Variants in RAI1 observed in about 807,000 individuals in gnomAD.
The protein encoded by RAI1 is retinoic acid-induced protein 1.
In RAI1, 9 loss-of-function variants were observed where a neutral mutation model predicts 123.8. The ratio of observed to expected loss-of-function variants is 0.07; its 90% CI spans 0.04 to 0.13. RAI1 has a LOEUF of 0.13. Among genes scored for constraint, RAI1 ranks in the 10% least tolerant of loss-of-function variants. The pLI is 1.00. For missense variants in RAI1, 2,256 were observed against 2,545.8 expected (o/e 0.89, Z 2.45); for synonymous variants, 1,231 against 1,127.3 (o/e 1.09, Z -1.84).
chr17:17,797,945 T>G lies in RAI1; in HGVS notation c.4997T>G (p.Leu1666Arg), dbSNP rs139721597. Residue 1666 changes from leucine to arginine, a missense_variant, in exon 3 of 6, where the codon CTC (leucine) becomes CGC (arginine). This residue lies in a region of RAI1 where 410 missense variants were observed against 374.6 expected (regional missense o/e 1.09). Transcript: ENST00000353383. Reference protein sequence around the residue: ...SILQPRPSLPLSSTMHLGPVV... With the variant: ...SILQPRPSLPRSSTMHLGPVV... ...CTGCAGCCGCGGCCCTCCTTGCCCCTCTCCTCCACGATGCACTTGGGGCCT... is the reference window on the plus strand; with the variant it reads ...CTGCAGCCGCGGCCCTCCTTGCCCCGCTCCTCCACGATGCACTTGGGGCCT... The G allele has an allele frequency of 1.9e-6, 3 of 1,613,744 alleles. No homozygotes were observed. In the African/African-American group the frequency reaches 4.0e-5, roughly 22 times the overall value.
intron 2 of RAI1, among the ~76,000 whole-genome samples, chr17:17,750,902 G>C (rs543702602): frequency 5.8e-4 from 88 of 152,268 alleles, no homozygotes; most frequent in Non-Finnish European, 7.9e-4. Flanking sequence ...GTGGGGAGGT[G>C]GTTGAGTACA....
In RAI1 at chr17:17,809,154, G is replaced by C. The variant is rs1390827622; in HGVS notation, c.5660-236G>C. On this transcript the variant is annotated intron_variant, in intron 4 of 5. Coordinates refer to ENST00000353383, the MANE Select transcript of RAI1 (RefSeq NM_030665.4). This position sits in a 1 kb window ranked among gnomAD's most constrained non-coding sequence, Gnocchi z 4.9. ...CGGCACGTGGAACTCAGGGGGAAAA[G>C]CTCTCCGCGGAGGAGGTGAGGTGAG... 1.7e-6 allele frequency: 1 copy of C among 604,764 alleles called. No homozygotes were observed. The highest frequency in any genetic ancestry group is 1.8e-5 in the South Asian group (1 of 54,704). The allele number at this position is 604,764 out of a possible 1,614,324, so 37.5% of individuals were successfully genotyped here. A position where few individuals can be genotyped will look rare whatever the true frequency, so the allele number is the denominator to read the frequency against.
chr17:17,788,204 C>G (rs9905548), intron 2 of RAI1, among the ~76,000 whole-genome samples: 2,055 of 152,166 alleles, frequency 0.014, 49 homozygotes, highest in African/African-American at 0.047. Flanking sequence ...GAGGGGCTGC[C>G]TGGTCCTCTG....
intron 2 of RAI1, among the ~76,000 whole-genome samples, chr17:17,731,559 G>A (rs1346042690): frequency 6.6e-6 from 1 of 152,176 alleles, no homozygotes; most frequent in African/African-American, 2.4e-5. Flanking sequence ...GAGCACCGCT[G>A]GAGCAAAGTC....
At chr17:17,805,539 C>T (rs1262793815) in intron 4 of RAI1, among the ~76,000 whole-genome samples, 1 of 152,232 alleles carries the variant, frequency 6.6e-6, no homozygotes. Context: ...CCCGTCCTCA[C>T]CTGATGCCCT....
chr17:17,771,432 A>G (rs1288667265), intron 2 of RAI1, among the ~76,000 whole-genome samples: 4 of 152,212 alleles, frequency 2.6e-5, no homozygotes, highest in Non-Finnish European at 5.9e-5. Context: ...TTGGGAGACA[A>G]AATCCTTTAG....
rs1567932569 is a variant in RAI1 at position 17,800,192 on chromosome 17, C to CTCTCTG, written c.5565+1684_5565+1685insGTCTCT. On this transcript the variant is annotated intron_variant, in intron 3 of 5. Transcript: ENST00000353383. This position sits in a 1 kb window ranked among gnomAD's most constrained non-coding sequence, Gnocchi z 4.7. Reference sequence around the variant, plus strand: ...TCTGTCTCTCTCTGTCTCTCTCTCTCTCTCTCTCTCTCTCTCTCTCTCTCT... The same window carrying CTCTCTG: ...TCTGTCTCTCTCTGTCTCTCTCTCTCTCTCTGTCTCTCTCTCTCTCTCTCTCTCTCT... 5.9e-4 allele frequency among the ~76,000 whole-genome samples: 76 copies of CTCTCTG among 127,892 alleles called. No individual in the cohort carries two copies. The highest frequency in any genetic ancestry group is 9.7e-4 in the Non-Finnish European group (57 of 58,786). The allele number at this position is 127,892 out of a possible 152,430, so 83.9% of individuals were successfully genotyped here.
chr17:17,783,840 C>T (rs1332183965), intron 2 of RAI1, among the ~76,000 whole-genome samples: 2 of 152,136 alleles, frequency 1.3e-5, no homozygotes, highest in Non-Finnish European at 2.9e-5. Flanking sequence ...GAGCCGGCCC[C>T]GCTTCGTTTC....
rs754797150 is a variant in RAI1, at chr17:17,796,447, C to T, written c.3499C>T (p.Arg1167Trp). The part of the protein sequence containing the change: ...HSKRRRPSEG[R>W]LPNCRATKKL... The stretch of plus-strand genomic sequence containing the variant: ...CAAGCGGCGGAGGCCCTCTGAGGGC[C>T]GGCTCCCCAACTGCCGTGCCACCAA... The change falls in exon 3 of 6, where the codon CGG (arginine) becomes TGG (tryptophan). Residue 1167 changes from arginine to tryptophan, a missense_variant. Arg to Trp is a moderately radical substitution (Grantham distance 101). This residue lies in a region of RAI1 where 322 missense variants were observed against 358.0 expected (regional missense o/e 0.90). Coordinates refer to ENST00000353383, the MANE Select transcript of RAI1 (RefSeq NM_030665.4). This position sits in a 1 kb window ranked among gnomAD's most constrained non-coding sequence, Gnocchi z 5.8. 1.2e-5 allele frequency: 20 copies of T among 1,613,024 alleles called. No homozygotes were observed. The highest frequency in any genetic ancestry group is 1.7e-5 in the Admixed American group (1 of 60,016).
rs767394995 is a variant in RAI1 at position 17,799,618 on chromosome 17, C to G, written c.5565+1105C>G. ...GCCCCTGCCCTGAGTCCCATCCCCTCCACTCCTTCCTTCAACCCACTATGT... is the reference window on the plus strand; with the variant it reads ...GCCCCTGCCCTGAGTCCCATCCCCTGCACTCCTTCCTTCAACCCACTATGT... On this transcript the variant is annotated intron_variant, in intron 3 of 5. Transcript: ENST00000353383. The surrounding 1 kb of genome is among the most constrained non-coding windows in gnomAD (Gnocchi z 4.5). Among the ~76,000 whole-genome samples, 2 of 152,202 alleles carry G rather than the reference C, an allele frequency of 1.3e-5. No individual in the cohort carries two copies. Among genetic ancestry groups the G allele is most frequent in the African/African-American group, 4.8e-5 (2 of 41,442 alleles).
intron 2 of RAI1, among the ~76,000 whole-genome samples, chr17:17,762,833 C>G (rs890488142): frequency 1.3e-5 from 2 of 152,068 alleles, no homozygotes; most frequent in Non-Finnish European, 1.5e-5. Flanking sequence ...CACTGCACTC[C>G]TGCCCACACT....
intron 4 of RAI1, among the ~76,000 whole-genome samples, chr17:17,808,656 A>C (rs997469612): frequency 6.6e-6 from 1 of 152,094 alleles, no homozygotes; most frequent in Admixed American, 6.6e-5. Context: ...CATGTTGCCC[A>C]GGCTGGTCTT....
chr17:17,754,727 A>G lies in RAI1; in HGVS notation c.-17+30568A>G, dbSNP rs113322577. ...TCAGTTCCTGGTACTCCAGAGCCCTAAGCGTTTTTGGGCAGTGGTTGGGGG... is the reference window on the plus strand; with the variant it reads ...TCAGTTCCTGGTACTCCAGAGCCCTGAGCGTTTTTGGGCAGTGGTTGGGGG... On this transcript the variant is annotated intron_variant, in intron 2 of 5. Transcript: ENST00000353383. Among the ~76,000 whole-genome samples the G allele has an allele frequency of 7.6e-3, 1,152 of 152,326 alleles. 8 individuals are homozygous for G. The highest frequency in any genetic ancestry group is 0.013 in the Admixed American group (201 of 15,300).
intron 3 of RAI1, 131 bp from the exon 4 acceptor site, chr17:17,803,625 A>G: frequency 3.6e-6 from 3 of 826,208 alleles, no homozygotes; most frequent in Non-Finnish European, 4.2e-6. Context: ...GACTCAGGCG[A>G]TCCTCCCACC....
Position 17,809,893 on chromosome 17 carries a change from G to A in RAI1, c.5710-77G>A, listed in dbSNP as rs2032690670. 6.5e-7 allele frequency: 1 copy of A among 1,546,318 alleles called. No individual in the cohort carries two copies. Among genetic ancestry groups the A allele is most frequent in the African/African-American group, 1.4e-5 (1 of 73,058 alleles). On this transcript the variant is annotated intron_variant, in intron 5 of 5. Coordinates refer to ENST00000353383, the MANE Select transcript of RAI1 (RefSeq NM_030665.4). The surrounding 1 kb of genome is among the most constrained non-coding windows in gnomAD (Gnocchi z 4.9). ...GCCTGGGTCTGGGGCTTAGGCGGGG[G>A]GCCCACACTGGGGGCGGGGCCTATG...
intron 2 of RAI1, among the ~76,000 whole-genome samples, chr17:17,759,903 C>G (rs1443502687): frequency 6.6e-6 from 1 of 152,186 alleles, no homozygotes; most frequent in Non-Finnish European, 1.5e-5. Context: ...TAAATTGAGT[C>G]TTGGGGTAAG....
chr17:17,732,060 C>G (rs1201740139), intron 2 of RAI1, among the ~76,000 whole-genome samples: 3 of 151,544 alleles, frequency 2.0e-5, no homozygotes, highest in Non-Finnish European at 4.4e-5. Flanking sequence ...CTCGGTGAGG[C>G]CTCCTAGGTG....
rs1003074649 is a variant in RAI1 at position 17,714,779 on chromosome 17, G to A, written c.-148-9249G>A. On this transcript the variant is annotated intron_variant, in intron 1 of 5. Transcript: ENST00000353383. The surrounding 1 kb of genome is among the most constrained non-coding windows in gnomAD (Gnocchi z 4.9). Reference sequence around the variant, plus strand: ...GAAATCCTGGTTGTGGGCTGAGCTCGGGCCATCCACTTGTCGTGGTGGGTG... The same window carrying A: ...GAAATCCTGGTTGTGGGCTGAGCTCAGGCCATCCACTTGTCGTGGTGGGTG... 2.0e-5 allele frequency among the ~76,000 whole-genome samples: 3 copies of A among 152,188 alleles called. No homozygotes were observed. Among genetic ancestry groups the A allele is most frequent in the Admixed American group, 1.3e-4 (2 of 15,280 alleles).
At position 17,810,397 on chromosome 17, in the gene RAI1, A is replaced by G; in HGVS notation, c.*416A>G. ...TCCACGTGGGTGCTGCCGCCACCCC[A>G]GTCGGTCGTGGCGTGCAGCTGGGAG... On this transcript the variant is annotated 3_prime_UTR_variant, in exon 6 of 6. Transcript: ENST00000353383. This position sits in a 1 kb window ranked among gnomAD's most constrained non-coding sequence, Gnocchi z 4.6. 1 of 239,866 alleles carries G rather than the reference A, an allele frequency of 4.2e-6. No homozygotes were observed. The highest frequency in any genetic ancestry group is 8.2e-6 in the Non-Finnish European group (1 of 121,724). The allele number at this position is 239,866 out of a possible 1,614,324, so 14.9% of individuals were successfully genotyped here.
Sources: allele counts gnomAD v4.1 joint callset (sites outside exome capture counted in the v4.1 genomes callset), GRCh38; gene constraint gnomAD v4.1.1; regional missense constraint gnomAD v4.1.1; non-coding constraint Gnocchi (gnomAD v3.1); transcripts MANE v1.5; gene names NCBI Gene and HGNC (gene_info 2026-07-23, HGNC 2026-07-21).